The following SHISA9 variants were observed in gnomAD, a reference collection of about 807,000 sequenced individuals.
The protein encoded by SHISA9 is protein shisa-9.
In SHISA9, 13 loss-of-function variants were observed where a neutral mutation model predicts 38.0. The observed-to-expected ratio is 0.34, with a 90% CI of 0.22 to 0.54. SHISA9 has a LOEUF of 0.54. Ranked by LOEUF, SHISA9 falls within the 20% of genes least tolerant of loss-of-function variation. The pLI is 0.91. For synonymous variants in SHISA9, 275 were observed against 242.0 expected (o/e 1.14, Z -1.27); for missense variants, 538 against 575.8 (o/e 0.93, Z 0.67).
At chr16:13,491,018 T>C in the SHISA9 span, among the ~76,000 whole-genome samples, 1 of 152,226 alleles carries the variant, frequency 6.6e-6, no homozygotes, top group Admixed American at 6.5e-5. Flanking sequence ...CTAATTGGTG[T>C]TAAGCACTTA....
chr16:13,302,993 G>T, the SHISA9 span, among the ~76,000 whole-genome samples: 1 of 152,308 alleles, frequency 6.6e-6, no homozygotes, highest in South Asian at 2.1e-4. Flanking sequence ...ATGCGAAACT[G>T]TGAGTCAGTT....
At chr16:13,222,461 C>G (rs145898607) in intron 4 of SHISA9, among the ~76,000 whole-genome samples, 1 of 152,266 alleles carries the variant, frequency 6.6e-6, no homozygotes, top group Non-Finnish European at 1.5e-5. Flanking sequence ...AGACCTAGAA[C>G]AAGGATTTCT....
chr16:13,212,635 G>A (rs1361244502), intron 3 of SHISA9, among the ~76,000 whole-genome samples: 2 of 152,110 alleles, frequency 1.3e-5, no homozygotes, highest in African/African-American at 4.8e-5. Context: ...CCTTAGAAAG[G>A]GTGACTCTGT....
intron 2 of SHISA9, among the ~76,000 whole-genome samples, chr16:13,011,832 T>G (rs1209887378): frequency 1.3e-5 from 2 of 151,100 alleles, no homozygotes; most frequent in Admixed American, 1.3e-4. Flanking sequence ...TTGACTTTTT[T>G]TTTTTGTTTT....
chr16:13,246,287 G>A, the SHISA9 span: 3 of 152,130 alleles, frequency 2.0e-5, no homozygotes, highest in Non-Finnish European at 2.9e-5. Context: ...TTTATAAGAG[G>A]AAACCCCTTT....
chr16:13,167,440 C>T lies in SHISA9; in HGVS notation c.692-35954C>T, dbSNP rs79026167. 8.0e-3 allele frequency among the ~76,000 whole-genome samples: 1,216 copies of T among 152,292 alleles called. 12 individuals are homozygous for T. The highest frequency in any genetic ancestry group is 0.023 in the Admixed American group (352 of 15,296). On this transcript the variant is annotated intron_variant, in intron 2 of 4. Coordinates refer to ENST00000558583, the MANE Select transcript of SHISA9 (RefSeq NM_001145204.3). ...CCTTTCTTCTCCTTAGAACACTCGC[C>T]TCCCTTGACTTGTGCCTCTTACGTT...
chr16:13,049,135 T>C (rs1323699568), intron 2 of SHISA9, among the ~76,000 whole-genome samples: 1 of 151,416 alleles, frequency 6.6e-6, no homozygotes, highest in Non-Finnish European at 1.5e-5. Flanking sequence ...TGAGCTGCCA[T>C]TCTAAGCTTT....
intron 2 of SHISA9, among the ~76,000 whole-genome samples, chr16:13,191,779 A>G (rs993673944): frequency 2.0e-5 from 3 of 152,182 alleles, no homozygotes; most frequent in African/African-American, 7.2e-5. Context: ...AACAGTGGAG[A>G]TGAAGAATGT....
At chr16:13,074,363 A>T (rs542528808) in intron 2 of SHISA9, among the ~76,000 whole-genome samples, 1 of 152,192 alleles carries the variant, frequency 6.6e-6, no homozygotes, top group Non-Finnish European at 1.5e-5. Flanking sequence ...CTGATTCACA[A>T]TAAAGTTTGA....
At chr16:12,996,660 A>G (rs971158264) in intron 2 of SHISA9, among the ~76,000 whole-genome samples, 2 of 152,040 alleles carry the variant, frequency 1.3e-5, no homozygotes, top group East Asian at 1.9e-4. Context: ...CCTGGGATCT[A>G]TGGGTCCTCA....
the SHISA9 span, among the ~76,000 whole-genome samples, chr16:13,520,323 G>A: frequency 6.6e-6 from 1 of 152,174 alleles, no homozygotes; most frequent in Non-Finnish European, 1.5e-5. Flanking sequence ...TAGGGGGCCA[G>A]GCGTGGTGGC....
At chr16:13,490,554 G>C in the SHISA9 span, among the ~76,000 whole-genome samples, 1 of 152,218 alleles carries the variant, frequency 6.6e-6, no homozygotes. Context: ...AACAGAGCAA[G>C]AGCCTGTCTC....
At chr16:13,122,498 A>G (rs997121649) in intron 2 of SHISA9, among the ~76,000 whole-genome samples, 5 of 152,226 alleles carry the variant, frequency 3.3e-5, no homozygotes, top group Admixed American at 6.5e-5. Flanking sequence ...AGATGTTTGC[A>G]TATTTTCTCG....
At chr16:13,491,382 C>CT in the SHISA9 span, among the ~76,000 whole-genome samples, 12,779 of 141,732 alleles carry the variant, frequency 0.09, 711 homozygotes, top group South Asian at 0.25. Context: ...TTTTCAGAGC[C>CT]TTTTTTTTTT....
chr16:13,171,807 T>G (rs2050689034), intron 2 of SHISA9, among the ~76,000 whole-genome samples: 1 of 152,186 alleles, frequency 6.6e-6, no homozygotes, highest in Non-Finnish European at 1.5e-5. Flanking sequence ...CATGATCATG[T>G]TTGCATATAT....
chr16:13,083,900 A>G (rs1271534880), intron 2 of SHISA9, among the ~76,000 whole-genome samples: 2 of 152,164 alleles, frequency 1.3e-5, no homozygotes, highest in African/African-American at 4.8e-5. Flanking sequence ...TATCCACCAC[A>G]CCATGATGGA....
At chr16:13,092,341 A>G (rs774235267) in intron 2 of SHISA9, among the ~76,000 whole-genome samples, 6 of 152,200 alleles carry the variant, frequency 3.9e-5, no homozygotes, top group Non-Finnish European at 8.8e-5. Context: ...CTGGAGAACC[A>G]CTGCTCTCTT....
At chr16:13,206,708 AG>A (rs2051068187) in intron 3 of SHISA9, among the ~76,000 whole-genome samples, 1 of 152,260 alleles carries the variant, frequency 6.6e-6, no homozygotes, top group Admixed American at 6.5e-5. Context: ...CTAAATCTGA[AG>A]CCTTGTAAGA....
intron 2 of SHISA9, among the ~76,000 whole-genome samples, chr16:12,993,929 A>T (rs2072423072): frequency 6.6e-6 from 1 of 152,072 alleles, no homozygotes. Flanking sequence ...GAGGAGAGTT[A>T]GGGGGACCTG....
Sources: allele counts gnomAD v4.1 joint callset (sites outside exome capture counted in the v4.1 genomes callset), GRCh38; gene constraint gnomAD v4.1.1; transcripts MANE v1.5; gene names NCBI Gene and HGNC (gene_info 2026-07-23, HGNC 2026-07-21).